The following IFT57 variants were observed in gnomAD, a reference collection of about 807,000 sequenced individuals.
IFT57 encodes intraflagellar transport protein 57 homolog.
A neutral mutation model predicts 56.8 loss-of-function variants in IFT57; 59 were observed. The ratio of observed to expected loss-of-function variants is 1.04; its 90% CI spans 0.84 to 1.29. The LOEUF (loss-of-function observed/expected upper bound fraction) is 1.29. Among genes scored for constraint, IFT57 ranks in the 50% most tolerant of loss-of-function variants. The probability of loss-of-function intolerance (pLI) is 0.00; values close to 1 mark genes in which losing one functional copy is unlikely to be tolerated. For synonymous variants in IFT57, 209 were observed against 186.1 expected (o/e 1.12, Z -1.00); for missense variants, 470 against 522.1 (o/e 0.90, Z 0.97).
chr3:108,198,020 A>T (rs1439556878), intron 5 of IFT57, among the ~76,000 whole-genome samples: 1 of 152,192 alleles, frequency 6.6e-6, no homozygotes, highest in Non-Finnish European at 1.5e-5. Context: ...TACATGCCAA[A>T]CACGGTACTA....
At chr3:108,192,447 G>C (rs1415209651) in intron 5 of IFT57, among the ~76,000 whole-genome samples, 1 of 151,938 alleles carries the variant, frequency 6.6e-6, no homozygotes, top group Non-Finnish European at 1.5e-5. Flanking sequence ...AATCATGATT[G>C]TTTCTGAATT....
chr3:108,203,434 G>C (rs1320141369), intron 5 of IFT57, among the ~76,000 whole-genome samples: 1 of 152,038 alleles, frequency 6.6e-6, no homozygotes, highest in Non-Finnish European at 1.5e-5. Flanking sequence ...TACAACTCTT[G>C]GGATTATCAT....
chr3:108,214,165 T>A, intron 3 of IFT57, 144 bp from the exon 4 acceptor site: 2 of 534,316 alleles, frequency 3.7e-6, no homozygotes, highest in Non-Finnish European at 6.5e-6. Context: ...TTTCATGTAT[T>A]TTTCCTAAAA....
At chr3:108,170,400 T>C (rs2080086521) in intron 6 of IFT57, among the ~76,000 whole-genome samples, 1 of 151,966 alleles carries the variant, frequency 6.6e-6, no homozygotes, top group African/African-American at 2.4e-5. Context: ...CTATTCACAA[T>C]TGCTACAAAT....
intron 5 of IFT57, among the ~76,000 whole-genome samples, chr3:108,206,053 ATTAT>A (rs1441656053): frequency 3.3e-5 from 4 of 120,450 alleles, no homozygotes; most frequent in Non-Finnish European, 6.7e-5. Flanking sequence ...TATATTATAT[ATTAT>A]TTATATATAA....
intron 6 of IFT57, among the ~76,000 whole-genome samples, chr3:108,186,537 T>TCC (rs759036096): frequency 4.0e-4 from 61 of 152,284 alleles, no homozygotes; most frequent in Admixed American, 5.2e-4. Context: ...GGGCTCTGAT[T>TCC]ATTCAAGACT....
intron 4 of IFT57, among the ~76,000 whole-genome samples, chr3:108,209,167 T>C (rs2080329576): frequency 6.6e-6 from 1 of 152,270 alleles, no homozygotes; most frequent in Non-Finnish European, 1.5e-5. Flanking sequence ...CTAATTGTTA[T>C]GAATATATTC....
At chr3:108,217,741 C>T (rs1170718766) in intron 3 of IFT57, among the ~76,000 whole-genome samples, 1 of 145,556 alleles carries the variant, frequency 6.9e-6, no homozygotes, top group East Asian at 2.0e-4. Context: ...AAAAAAAAAA[C>T]ACTGCTTACT....
chr3:108,222,175 T>A lies in IFT57; in HGVS notation c.148A>T (p.Lys50Ter). ...TCCTCGTAGCGGAGCAGCTTCAGCT[T>A]CTCCACCAAGTCCTCCATCACCACG... The part of the protein sequence containing the change: ...MFVVMEDLVE[K>*]LKLLRYEEEF... The change falls in exon 1 of 11, where the codon AAG becomes TAG. Residue 50 changes from lysine (K) to a stop codon, truncating the protein, a stop_gained. Coordinates refer to ENST00000264538, the MANE Select transcript of IFT57 (RefSeq NM_018010.4). LOFTEE classifies it high-confidence loss of function. 6.2e-7 allele frequency: 1 copy of A among 1,613,862 alleles called. No individual in the cohort carries two copies.
intron 8 of IFT57, 51 bp downstream of exon 8, chr3:108,166,803 G>A: frequency 6.6e-7 from 1 of 1,512,842 alleles, no homozygotes; most frequent in Non-Finnish European, 9.1e-7. Context: ...TCAAGTTTAG[G>A]GTTTAGGGTT....
rs995943500 is a variant in IFT57, at chr3:108,209,130, G to A, written c.586-2434C>T. Among the ~76,000 whole-genome samples, 4 of 152,142 alleles carry A rather than the reference G, an allele frequency of 2.6e-5. No homozygotes were observed. The East Asian group carries it at 7.7e-4, about 29-fold the overall frequency. On this transcript the variant is annotated intron_variant, in intron 4 of 10. Transcript: ENST00000264538. ...CAAGCATGTGACCAGTTACAGAAAT[G>A]AGAATTGTGATTGTTATGAATATTT...
chr3:108,170,145 C>CAATAGAA (rs2080085146), intron 6 of IFT57, among the ~76,000 whole-genome samples: 3 of 151,982 alleles, frequency 2.0e-5, no homozygotes, highest in Admixed American at 1.3e-4. Flanking sequence ...GAAGTTCTAG[C>CAATAGAA]CTGGGCAATC....
At chr3:108,199,589 C>G (rs935839855) in intron 5 of IFT57, among the ~76,000 whole-genome samples, 30 of 152,144 alleles carry the variant, frequency 2.0e-4, no homozygotes, top group Non-Finnish European at 4.1e-4. Flanking sequence ...GAATTTTGTC[C>G]TCCAGCCAGA....
chr3:108,222,200 G>A lies in IFT57; in HGVS notation c.123C>T (p.Phe41=). 1 of 1,614,052 alleles carries A rather than the reference G, an allele frequency of 6.2e-7. No homozygotes were observed. The change falls in exon 1 of 11, where the codon TTC becomes TTT. Residue 41 remains phenylalanine, a synonymous_variant. Transcript: ENST00000264538. ...TCTCCACCAAGTCCTCCATCACCAC[G>A]AACATGTGGTAGGCCGCGCCGGGCC... ...ERGPGAAYHM[F]VVMEDLVEKL...
At chr3:108,179,077 C>A (rs1249353072) in intron 6 of IFT57, among the ~76,000 whole-genome samples, 1 of 151,892 alleles carries the variant, frequency 6.6e-6, no homozygotes, top group Non-Finnish European at 1.5e-5. Context: ...GCAAATCCGC[C>A]ACTGAAAGAG....
At chr3:108,176,429 G>A (rs561194653) in intron 6 of IFT57, among the ~76,000 whole-genome samples, 8 of 151,786 alleles carry the variant, frequency 5.3e-5, no homozygotes, top group South Asian at 2.1e-4. Context: ...TCTCTTATAG[G>A]TTTTCTATTA....
At chr3:108,198,580 T>C (rs2080258386) in intron 5 of IFT57, among the ~76,000 whole-genome samples, 1 of 152,108 alleles carries the variant, frequency 6.6e-6, no homozygotes, top group African/African-American at 2.4e-5. Flanking sequence ...TAGCTAGGAC[T>C]ACAGGCATGC....
At chr3:108,187,331 G>A (rs969817887) in intron 6 of IFT57, among the ~76,000 whole-genome samples, 2 of 152,084 alleles carry the variant, frequency 1.3e-5, no homozygotes, top group African/African-American at 4.8e-5. Context: ...ATAGGGATAA[G>A]CTAGTTTAGC....
intron 3 of IFT57, among the ~76,000 whole-genome samples, chr3:108,214,974 A>G (rs2080363187): frequency 6.6e-6 from 1 of 152,168 alleles, no homozygotes; most frequent in Non-Finnish European, 1.5e-5. Context: ...CACAACCTCT[A>G]TACTCCTCTG....
Sources: allele counts gnomAD v4.1 joint callset (sites outside exome capture counted in the v4.1 genomes callset), GRCh38; gene constraint gnomAD v4.1.1; transcripts MANE v1.5; gene names NCBI Gene and HGNC (gene_info 2026-07-23, HGNC 2026-07-21).